PLA2R1: variants seen among roughly 807,000 people sequenced by gnomAD.
PLA2R1 encodes phospholipase A2 receptor 1.
A neutral mutation model predicts 195.9 loss-of-function variants in PLA2R1; 158 were observed. The ratio of observed to expected loss-of-function variants is 0.81; its 90% CI spans 0.71 to 0.92. PLA2R1 has a LOEUF of 0.92. Among genes scored for constraint, PLA2R1 ranks in the 40% least tolerant of loss-of-function variants. The pLI is 0.00. For synonymous variants in PLA2R1, 586 were observed against 598.2 expected, an observed-to-expected ratio of 0.98 and a Z score of 0.30; for missense variants, 1,626 against 1,764.6, an observed-to-expected ratio of 0.92 and a Z score of 1.41.
Position 159,945,055 on chromosome 2 carries a change from G to T in PLA2R1, c.3995C>A (p.Thr1332Asn), listed in dbSNP as rs202012144. The T allele has an allele frequency of 1.2e-6, 2 of 1,611,952 alleles. No homozygotes were observed. Among genetic ancestry groups the T allele is most frequent in the Admixed American group, 1.7e-5 (1 of 59,896 alleles). The change falls in exon 28 of 30, where the codon ACT becomes AAT. Residue 1332 changes from threonine to asparagine, a missense_variant. Physicochemically the swap from Thr to Asn is moderately conservative, Grantham distance 65 (BLOSUM62 0). Coordinates refer to ENST00000283243, the MANE Select transcript of PLA2R1 (RefSeq NM_007366.5). ...NNETIKWFDG[T>N]PTDQSNWGIR... ...GCCCCAGTTTGACTGGTCTGTGGGA[G>T]TTCCATCAAACCACTTTATGGTTTC...
intron 16 of PLA2R1, among the ~76,000 whole-genome samples, 180 bp from the exon 17 acceptor site, chr2:159,976,405 T>C (rs529761260): frequency 6.6e-6 from 1 of 152,272 alleles, no homozygotes; most frequent in South Asian, 2.1e-4. Flanking sequence ...TTTTTTTCTT[T>C]GGTCTATCTC....
chr2:159,974,287 C>A (rs1689389430), intron 17 of PLA2R1, among the ~76,000 whole-genome samples: 3 of 152,076 alleles, frequency 2.0e-5, no homozygotes, highest in Admixed American at 2.0e-4. Context: ...ATAAGATGGC[C>A]TGGGTTTCTT....
At chr2:160,058,013 G>A (rs1048916925) in intron 1 of PLA2R1, among the ~76,000 whole-genome samples, 1 of 152,116 alleles carries the variant, frequency 6.6e-6, no homozygotes, top group South Asian at 2.1e-4. Context: ...TTCCTCAAAG[G>A]GTCCTTTGTG....
At chr2:159,964,106 T>C (rs974775919) in intron 20 of PLA2R1, among the ~76,000 whole-genome samples, 1 of 152,144 alleles carries the variant, frequency 6.6e-6, no homozygotes, top group African/African-American at 2.4e-5. Flanking sequence ...AAAGCACAAA[T>C]GAACCTTGAA....
chr2:160,059,932 C>T (rs1210482643), intron 1 of PLA2R1, among the ~76,000 whole-genome samples: 1 of 152,156 alleles, frequency 6.6e-6, no homozygotes, highest in African/African-American at 2.4e-5. Context: ...TCCCACAACA[C>T]GTGGGAATTC....
intron 3 of PLA2R1, among the ~76,000 whole-genome samples, chr2:160,041,749 T>C (rs1694534256): frequency 6.6e-6 from 1 of 152,210 alleles, no homozygotes; most frequent in South Asian, 2.1e-4. Context: ...GATCGCAGAG[T>C]ATTTATAATT....
chr2:160,013,178 C>A, intron 10 of PLA2R1, 85 bp downstream of exon 10: 2 of 589,300 alleles, frequency 3.4e-6, no homozygotes, highest in Non-Finnish European at 3.1e-6. Flanking sequence ...AGATTTTGAA[C>A]AGTTATGATT....
chr2:159,924,917 A>T, the PLA2R1 span, among the ~76,000 whole-genome samples: 132,247 of 152,084 alleles, frequency 0.87, 59,161 homozygotes, highest in East Asian at 1. Context: ...TTCCATTTCC[A>T]ATCTGGTCTG....
intron 23 of PLA2R1, 43 bp downstream of exon 23, chr2:159,955,156 G>A (rs769203843): frequency 6.7e-7 from 1 of 1,492,188 alleles, no homozygotes; most frequent in Non-Finnish European, 9.3e-7. Flanking sequence ...AGAGAAGGAT[G>A]GACTTTGGAA....
chr2:159,951,867 G>A (rs1017009669), intron 23 of PLA2R1, among the ~76,000 whole-genome samples: 7 of 152,178 alleles, frequency 4.6e-5, no homozygotes, highest in Admixed American at 6.5e-5. Context: ...GCTTTTTGGT[G>A]GAACTGATGG....
At chr2:160,041,202 T>A (rs952099505) in intron 3 of PLA2R1, among the ~76,000 whole-genome samples, 1 of 152,238 alleles carries the variant, frequency 6.6e-6, no homozygotes, top group African/African-American at 2.4e-5. Flanking sequence ...GCTTCAAATT[T>A]ATTTGTTGCA....
intron 1 of PLA2R1, among the ~76,000 whole-genome samples, chr2:160,050,274 G>T (rs1186107514): frequency 6.6e-6 from 1 of 152,270 alleles, no homozygotes; most frequent in Non-Finnish European, 1.5e-5. Context: ...TCTGAGCGGG[G>T]AGTGTGCACA....
Position 159,979,976 on chromosome 2 carries a change from G to T in PLA2R1, c.2184-62C>A, listed in dbSNP as rs1689836483. On this transcript the variant is annotated intron_variant, in intron 13 of 29. Transcript: ENST00000283243. ...TCAAATTTACAGCATTATGTGAAAG[G>T]TTCAAAAAATACCAGCATGGCACAT... 1.7e-5 allele frequency: 17 copies of T among 973,788 alleles called. No homozygotes were observed. In the East Asian group the frequency reaches 4.2e-4, roughly 24 times the overall value. 60.3% of individuals were successfully genotyped at this position (973,788 alleles called of 1,614,324 possible).
At chr2:159,987,073 CG>C (rs1560179383) in intron 12 of PLA2R1, 82 bp downstream of exon 12, 1 of 1,115,740 alleles carries the variant, frequency 9.0e-7, no homozygotes, top group East Asian at 2.4e-5. Context: ...AAAAGGGCCC[CG>C]GAATAAAGGA....
rs922166840 is a variant in PLA2R1, at chr2:159,979,930, ACAAAAGCTT to A, written c.2184-25_2184-17del. On this transcript the variant is annotated splice_polypyrimidine_tract_variant and intron_variant, in intron 13 of 29. Transcript: ENST00000283243. The stretch of plus-strand genomic sequence containing the variant: ...TTCTTCTGTCCTGTAAAGAGAAGAA[ACAAAAGCTT>A]TGCCTTTCCCATCAAATTTACAGCA... The A allele has an allele frequency of 6.7e-7, 1 of 1,495,398 alleles. No homozygotes were observed. The highest frequency in any genetic ancestry group is 1.4e-5 in the African/African-American group (1 of 72,004). The allele number at this position is 1,495,398 out of a possible 1,614,324, so 92.6% of individuals were successfully genotyped here. A position where few individuals can be genotyped will look rare whatever the true frequency, so the allele number is the denominator to read the frequency against.
chr2:159,991,335 T>C (rs1427023828), intron 11 of PLA2R1, among the ~76,000 whole-genome samples: 1 of 152,200 alleles, frequency 6.6e-6, no homozygotes, highest in Admixed American at 6.5e-5. Flanking sequence ...GGTTTATCCT[T>C]ATTTATATGG....
intron 17 of PLA2R1, among the ~76,000 whole-genome samples, chr2:159,975,091 G>A (rs571326032): frequency 4.6e-5 from 7 of 152,140 alleles, no homozygotes; most frequent in South Asian, 2.1e-4. Context: ...AGGATTTCCC[G>A]CCTTCATGCC....
At position 159,933,311 on chromosome 2, in the gene PLA2R1, T is replaced by C. The variant is rs1686665965; in HGVS notation, c.*8467A>G. The C allele has an allele frequency of 6.6e-6, 1 of 152,140 alleles. No individual in the cohort carries two copies. The highest frequency in any genetic ancestry group is 1.5e-5 in the Non-Finnish European group (1 of 68,026). The allele number at this position is 152,140 out of a possible 1,614,324, so 9.4% of individuals were successfully genotyped here. ...TTAGGTATTAGAGGAACATGCAGATTTTCACTTTTTTAAATCCAGAATTTC... is the reference window on the plus strand; with the variant it reads ...TTAGGTATTAGAGGAACATGCAGATCTTCACTTTTTTAAATCCAGAATTTC... On this transcript the variant is annotated 3_prime_UTR_variant, in exon 30 of 30. Coordinates refer to ENST00000283243, the MANE Select transcript of PLA2R1 (RefSeq NM_007366.5).
chr2:159,956,511 T>A lies in PLA2R1; in HGVS notation c.3021A>T (p.Gln1007His). ...TLVAIESEVE[Q>H]AFITMNLFGQ... ...CTGGTTGGATCTTGAGTACTCTACCTTGCTCCACCTCACTTTCAATGGCGA... is the reference window on the plus strand; with the variant it reads ...CTGGTTGGATCTTGAGTACTCTACCATGCTCCACCTCACTTTCAATGGCGA... Residue 1007 changes from glutamine to histidine, a missense_variant and splice_region_variant, in exon 21 of 30, where the codon CAA (glutamine) becomes CAT (histidine). Transcript: ENST00000283243. 3 of 1,565,198 alleles carry A rather than the reference T, an allele frequency of 1.9e-6. No homozygotes were observed. Among genetic ancestry groups the A allele is most frequent in the Non-Finnish European group, 2.6e-6 (3 of 1,135,234 alleles).
Sources: allele counts gnomAD v4.1 joint callset (sites outside exome capture counted in the v4.1 genomes callset), GRCh38; gene constraint gnomAD v4.1.1; transcripts MANE v1.5; gene names NCBI Gene and HGNC (gene_info 2026-07-23, HGNC 2026-07-21).